The following AFF2 variants were observed in gnomAD, a reference collection of about 807,000 sequenced individuals.
The protein encoded by AFF2 is AF4/FMR2 family member 2.
In AFF2, 14 loss-of-function variants were observed where a neutral mutation model predicts 76.9. The ratio of observed to expected loss-of-function variants is 0.18; its 90% confidence interval spans 0.12 to 0.28. The LOEUF is 0.28. Among genes scored for constraint, AFF2 ranks in the 10% least tolerant of loss-of-function variants. The pLI is 1.00. For synonymous variants in AFF2, 398 were observed against 366.7 expected (o/e 1.09, Z -0.98); for missense variants, 868 against 1,001.1 (o/e 0.87, Z 1.79).
At chrX:148,839,074 G>A (rs993460489) in intron 5 of AFF2, among the ~76,000 whole-genome samples, 20 of 112,162 alleles carry the variant, frequency 1.8e-4, no homozygotes, top group Non-Finnish European at 2.6e-4. Flanking sequence ...GTGTTTTCAG[G>A]TGGGTTCTCC....
At chrX:148,543,286 T>C (rs2052881170) in intron 1 of AFF2, among the ~76,000 whole-genome samples, 1 of 111,908 alleles carries the variant, frequency 8.9e-6, no homozygotes, top group African/African-American at 3.2e-5. Context: ...GCTTGGTTCA[T>C]TGAAATGTGA....
chrX:148,515,558 AT>A (rs1328689371), intron 1 of AFF2, among the ~76,000 whole-genome samples: 4 of 111,358 alleles, frequency 3.6e-5, no homozygotes, highest in Admixed American at 9.5e-5. Context: ...TGTGAGATAC[AT>A]TTTTTTTCAT....
At chrX:148,969,722 A>G (rs1298128497) in intron 15 of AFF2, among the ~76,000 whole-genome samples, 1 of 111,450 alleles carries the variant, frequency 9.0e-6, no homozygotes, top group Non-Finnish European at 1.9e-5. Context: ...GAACCCACGG[A>G]TACAGAGGGC....
chrX:148,726,622 T>G lies in AFF2; in HGVS notation c.1041+63854T>G, dbSNP rs1310652546. ...GGCAGGGTGAGACTAACCTGCAGTA[T>G]TGATCTCAGTCGTGTCTTTTAGGGG... On this transcript the variant is annotated intron_variant, in intron 3 of 20. Coordinates refer to ENST00000370460, the MANE Select transcript of AFF2 (RefSeq NM_002025.4). Among the ~76,000 whole-genome samples the G allele has an allele frequency of 2.7e-5, 3 of 112,040 alleles. No homozygotes were observed. In the Admixed American group the frequency reaches 2.8e-4, roughly 11 times the overall value.
At chrX:148,664,560 A>G (rs2054339346) in intron 3 of AFF2, among the ~76,000 whole-genome samples, 1 of 111,325 alleles carries the variant, frequency 9.0e-6, no homozygotes, top group Non-Finnish European at 1.9e-5. Context: ...AGCACCTTCT[A>G]TATGCCCTGA....
At chrX:148,663,737 A>T (rs1200803001) in intron 3 of AFF2, among the ~76,000 whole-genome samples, 2 of 111,891 alleles carry the variant, frequency 1.8e-5, no homozygotes, top group Non-Finnish European at 3.8e-5. Flanking sequence ...CTTACTCAAT[A>T]GGAGTGACAG....
intron 3 of AFF2, among the ~76,000 whole-genome samples, chrX:148,686,414 A>G (rs1286091089): frequency 9.0e-6 from 1 of 111,730 alleles, no homozygotes; most frequent in African/African-American, 3.3e-5. Context: ...GACTGAGTCA[A>G]TCCATCAGCA....
chrX:148,953,854 A>G, intron 10 of AFF2, 115 bp downstream of exon 10: 1 of 668,453 alleles, frequency 1.5e-6, no homozygotes, highest in Non-Finnish European at 2.2e-6. Context: ...ACAATAATTA[A>G]TAATTAATTT....
intron 1 of AFF2, among the ~76,000 whole-genome samples, chrX:148,590,182 C>A (rs1416308574): frequency 9.2e-6 from 1 of 108,121 alleles, no homozygotes; most frequent in African/African-American, 3.4e-5. Context: ...GAACACAGAG[C>A]AATTCTTGGA....
At chrX:148,666,409 A>G (rs940411805) in intron 3 of AFF2, among the ~76,000 whole-genome samples, 179 of 109,905 alleles carry the variant, frequency 1.6e-3, no homozygotes, top group African/African-American at 5.7e-3. Flanking sequence ...ACATGGTGAA[A>G]CCCCATCTCT....
At chrX:148,879,710 T>A (rs2071075031) in intron 7 of AFF2, among the ~76,000 whole-genome samples, 1 of 111,095 alleles carries the variant, frequency 9.0e-6, no homozygotes, top group African/African-American at 3.3e-5. Context: ...GAAATCTAAG[T>A]TCCATATAAA....
chrX:148,894,282 C>A (rs782074448), intron 8 of AFF2, among the ~76,000 whole-genome samples: 3 of 111,582 alleles, frequency 2.7e-5, no homozygotes, highest in Non-Finnish European at 5.7e-5. Context: ...ACTCTACCCC[C>A]TCCCCCCCAG....
intron 1 of AFF2, among the ~76,000 whole-genome samples, chrX:148,605,169 C>A (rs2053661587): frequency 8.9e-6 from 1 of 111,805 alleles, no homozygotes; most frequent in South Asian, 3.7e-4. Flanking sequence ...TCACAAAAAA[C>A]ACCAGGCCCT....
At chrX:148,719,035 A>G in intron 3 of AFF2, 1 of 1,027,686 alleles carries the variant, frequency 9.7e-7, no homozygotes, top group Non-Finnish European at 1.3e-6. Context: ...TGTGACCTAG[A>G]ATAAAGAACA....
intron 4 of AFF2, among the ~76,000 whole-genome samples, chrX:148,813,094 C>A (rs1449922192): frequency 1.8e-5 from 2 of 112,467 alleles, no homozygotes; most frequent in Non-Finnish European, 3.8e-5. Context: ...AGCACTTGAA[C>A]CTCGTTGTCT....
intron 3 of AFF2, among the ~76,000 whole-genome samples, chrX:148,790,834 C>A (rs1557269881): frequency 2.7e-5 from 3 of 111,234 alleles, no homozygotes. Flanking sequence ...AACATGTACC[C>A]CAGAACTTAA....
At chrX:148,831,096 A>T (rs1434122310) in intron 4 of AFF2, among the ~76,000 whole-genome samples, 1 of 112,293 alleles carries the variant, frequency 8.9e-6, no homozygotes, top group African/African-American at 3.2e-5. Context: ...CACCCGGCCC[A>T]CAGGTGGCCA....
intron 1 of AFF2, among the ~76,000 whole-genome samples, chrX:148,630,710 G>A (rs983990304): frequency 8.9e-5 from 10 of 111,781 alleles, no homozygotes; most frequent in Non-Finnish European, 1.7e-4. Context: ...ACTTTTCTGG[G>A]CAGAAAGACA....
At chrX:148,513,187 C>A (rs1299940753) in intron 1 of AFF2, among the ~76,000 whole-genome samples, 1 of 112,389 alleles carries the variant, frequency 8.9e-6, no homozygotes, top group Non-Finnish European at 1.9e-5. Flanking sequence ...TAAAATCATT[C>A]AAATGCGCTA....
Sources: allele counts gnomAD v4.1 joint callset (sites outside exome capture counted in the v4.1 genomes callset), GRCh38; gene constraint gnomAD v4.1.1; transcripts MANE v1.5; gene names NCBI Gene and HGNC (gene_info 2026-07-23, HGNC 2026-07-21).